Variants in TCF7L2 observed in about 807,000 individuals in gnomAD.
TCF7L2 encodes the protein transcription factor 7 like 2, also known as transcription factor 7-like 2.
Under a neutral mutation model 77.9 loss-of-function variants are expected in TCF7L2, and 23 were observed. The observed-to-expected ratio is 0.30, with a 90% CI of 0.21 to 0.42. TCF7L2 has a LOEUF of 0.42. Among genes scored for constraint, TCF7L2 ranks in the 10% least tolerant of loss-of-function variants. The pLI is 1.00. For missense variants in TCF7L2, 654 were observed against 793.1 expected (o/e 0.82, Z 2.11); for synonymous variants, 413 against 340.2 (o/e 1.21, Z -2.36).
Position 112,950,897 on chromosome 10 carries a change from T to C in TCF7L2, c.141T>C (p.Ser47=). 6.2e-7 allele frequency: 1 copy of C among 1,612,548 alleles called. No homozygotes were observed. Among genetic ancestry groups the C allele is most frequent in the Non-Finnish European group, 8.5e-7 (1 of 1,179,524 alleles). ...GGGATTTAGCTGATGTCAAATCGTC[T>C]CTAGTCAATGAATCAGAAACGAATC... The change falls in exon 1 of 14, where the codon TCT becomes TCC. Residue 47 remains serine (S), a synonymous_variant. Coordinates refer to ENST00000627217, the MANE Select transcript of TCF7L2 (RefSeq NM_001146274.2).
chr10:113,160,797 G>T, intron 13 of TCF7L2: 2 of 1,036,370 alleles, frequency 1.9e-6, no homozygotes, highest in Non-Finnish European at 1.4e-6. Context: ...CTTCCCCTCT[G>T]GCATCAATGA....
At position 113,165,609 on chromosome 10, in the gene TCF7L2, A is replaced by AC; in HGVS notation, c.1449dup (p.Ser484LeufsTer29). The AC allele has an allele frequency of 6.8e-6, 11 of 1,613,404 alleles. No individual in the cohort carries two copies. The highest frequency in any genetic ancestry group is 9.3e-6 in the Non-Finnish European group (11 of 1,179,792). On this transcript the variant is annotated frameshift_variant, in exon 14 of 14. Transcript: ENST00000627217. LOFTEE classifies it high-confidence loss of function. ...AAGGTGAAGGCAGCTGCCTCAGCCC[A>AC]CCCTCTTCAGATGGAAGCTTACTAG...
chr10:113,049,495 T>TA (rs2054036406), intron 5 of TCF7L2, among the ~76,000 whole-genome samples: 1 of 152,048 alleles, frequency 6.6e-6, no homozygotes, highest in Non-Finnish European at 1.5e-5. Context: ...ATCCACCGCT[T>TA]ATCACCACCT....
In TCF7L2 at chr10:112,950,680, T is replaced by G; in HGVS notation, c.-77T>G. 1 of 1,497,680 alleles carries G rather than the reference T, an allele frequency of 6.7e-7. No individual in the cohort carries two copies. 92.8% of individuals were successfully genotyped at this position (1,497,680 alleles called of 1,614,324 possible). A position where few individuals can be genotyped will look rare whatever the true frequency, so the allele number is the denominator to read the frequency against. On this transcript the variant is annotated 5_prime_UTR_variant, in exon 1 of 14. Transcript: ENST00000627217. The stretch of plus-strand genomic sequence containing the variant: ...CAATATTTTTTGGGGGGGCAAAACT[T>G]TTTGGGGGTGATTTTTTTTGGCTTT...
At chr10:113,034,853 G>A (rs940803136) in intron 4 of TCF7L2, among the ~76,000 whole-genome samples, 2 of 152,254 alleles carry the variant, frequency 1.3e-5, no homozygotes, top group South Asian at 4.1e-4. Flanking sequence ...TCGAGCTTGC[G>A]TCACTGCACT....
intron 7 of TCF7L2, 46 bp from the exon 8 acceptor site, chr10:113,145,965 C>T (rs149764367): frequency 8.4e-7 from 1 of 1,188,594 alleles, no homozygotes; most frequent in Non-Finnish European, 1.2e-6. Context: ...TTGTCCCCAC[C>T]CCCACCCTTG....
intron 5 of TCF7L2, among the ~76,000 whole-genome samples, chr10:113,127,731 G>C (rs1015011382): frequency 1.3e-5 from 2 of 152,086 alleles, no homozygotes; most frequent in Non-Finnish European, 2.9e-5. Context: ...ATTTAGAGTA[G>C]TGCGATGGGA....
chr10:113,065,152 T>C (rs1591228107), intron 5 of TCF7L2, among the ~76,000 whole-genome samples: 1 of 152,240 alleles, frequency 6.6e-6, no homozygotes, highest in Non-Finnish European at 1.5e-5. Flanking sequence ...GCCGCTCTGG[T>C]ACCAGCTACT....
At chr10:113,036,118 T>TCATCATCAC in intron 4 of TCF7L2, among the ~76,000 whole-genome samples, 1 of 3,206 alleles carries the variant, frequency 3.1e-4, no homozygotes, top group South Asian at 6.0e-3. Context: ...ATCATCACCA[T>TCATCATCAC]CATCATCATC....
chr10:112,964,739 A>ATGGTGGTGGTGGTGGTGG, intron 4 of TCF7L2, 115 bp downstream of exon 4: 1 of 577,058 alleles, frequency 1.7e-6, no homozygotes. Context: ...GATGATGATG[A>ATGGTGGTGGTGGTGGTGG]TGGTGGTGGT....
chr10:112,964,793 A>G (rs868634014), intron 4 of TCF7L2, among the ~76,000 whole-genome samples, 169 bp downstream of exon 4: 116 of 61,212 alleles, frequency 1.9e-3, no homozygotes, highest in African/African-American at 6.5e-3. Flanking sequence ...GGTGGTGGTG[A>G]TGGTGGTGGT....
chr10:113,134,118 A>C (rs1483795928), intron 5 of TCF7L2, among the ~76,000 whole-genome samples: 1 of 152,210 alleles, frequency 6.6e-6, no homozygotes. Flanking sequence ...CCAGGGAAAC[A>C]ATCCACCATT....
chr10:113,067,941 C>A lies in TCF7L2; in HGVS notation c.552+27815C>A, dbSNP rs551196148. ...GACAGGGGCTCATAATCTTTGAGAACCAGGATTTTCCTTAAATTGCTCTCT... is the reference window on the plus strand; with the variant it reads ...GACAGGGGCTCATAATCTTTGAGAAACAGGATTTTCCTTAAATTGCTCTCT... On this transcript the variant is annotated intron_variant, in intron 5 of 13. Transcript: ENST00000627217. 8.5e-4 allele frequency among the ~76,000 whole-genome samples: 129 copies of A among 152,166 alleles called. 4 individuals carry two copies. In the South Asian group the frequency reaches 0.027, roughly 31 times the overall value.
intron 4 of TCF7L2, among the ~76,000 whole-genome samples, chr10:113,036,649 C>T (rs1163492112): frequency 1.4e-5 from 2 of 146,608 alleles, no homozygotes; most frequent in Non-Finnish European, 3.1e-5. Context: ...GGATGAAATG[C>T]TTAAGCCAAG....
chr10:113,162,162 G>C (rs180924397), intron 13 of TCF7L2, among the ~76,000 whole-genome samples: 444 of 152,312 alleles, frequency 2.9e-3, no homozygotes, highest in African/African-American at 9.8e-3. Context: ...GTGGAAGCCT[G>C]TTCTGAGATG....
chr10:113,034,757 G>A (rs543115343), intron 4 of TCF7L2, among the ~76,000 whole-genome samples: 66 of 152,206 alleles, frequency 4.3e-4, no homozygotes, highest in Non-Finnish European at 6.6e-4. Flanking sequence ...TTAGCCTGGC[G>A]TGGTGATACG....
At chr10:113,137,183 G>A (rs898881201) in intron 5 of TCF7L2, among the ~76,000 whole-genome samples, 10 of 152,150 alleles carry the variant, frequency 6.6e-5, no homozygotes, top group Non-Finnish European at 1.5e-4. Context: ...TAATCATCTA[G>A]AATGATCTTG....
intron 5 of TCF7L2, among the ~76,000 whole-genome samples, chr10:113,087,058 G>T (rs2059915143): frequency 1.3e-5 from 2 of 152,140 alleles, no homozygotes; most frequent in Admixed American, 6.5e-5. Flanking sequence ...GGGGAATAAG[G>T]TTAGGGGTAA....
intron 3 of TCF7L2, among the ~76,000 whole-genome samples, chr10:112,956,664 A>T (rs2033686335): frequency 6.6e-6 from 1 of 152,168 alleles, no homozygotes; most frequent in Non-Finnish European, 1.5e-5. Flanking sequence ...TTAATTTTAC[A>T]ACCAAAGGCA....
Sources: allele counts gnomAD v4.1 joint callset (sites outside exome capture counted in the v4.1 genomes callset), GRCh38; gene constraint gnomAD v4.1.1; transcripts MANE v1.5; gene names NCBI Gene and HGNC (gene_info 2026-07-23, HGNC 2026-07-21).